STARD13: variants seen among roughly 807,000 people sequenced by gnomAD.
STARD13 encodes the protein stAR-related lipid transfer protein 13.
In STARD13, 62 loss-of-function variants were observed where a neutral mutation model predicts 106.4. That is an observed-to-expected ratio of 0.58 (90% CI 0.48 to 0.72). STARD13 has a LOEUF of 0.72. STARD13 is among the 30% of genes least tolerant of loss of function. STARD13 has a pLI of 0.00. For missense variants in STARD13, 1,387 were observed against 1,424.0 expected (o/e 0.97, Z 0.42); for synonymous variants, 565 against 553.0 (o/e 1.02, Z -0.31).
At chr13:33,157,229 T>C (rs1320229302) in intron 3 of STARD13, among the ~76,000 whole-genome samples, 1 of 152,176 alleles carries the variant, frequency 6.6e-6, no homozygotes, top group Non-Finnish European at 1.5e-5. Context: ...CTAAGGGCAA[T>C]GATACGTATA....
chr13:33,151,885 A>G (rs990149241), intron 3 of STARD13, among the ~76,000 whole-genome samples: 1 of 152,180 alleles, frequency 6.6e-6, no homozygotes, highest in Non-Finnish European at 1.5e-5. Context: ...AGACTCGGCC[A>G]TTGGTTGATG....
chr13:33,643,159 G>GCACACACACACA, the STARD13 span, among the ~76,000 whole-genome samples: 318 of 139,806 alleles, frequency 2.3e-3, 1 homozygote, highest in Middle Eastern at 7.2e-3. Context: ...CATAGAACAT[G>GCACACACACACA]CACACACACA....
At chr13:33,333,731 C>T (rs945746492) in intron 1 of STARD13, 2 of 152,170 alleles carry the variant, frequency 1.3e-5, no homozygotes, top group African/African-American at 4.8e-5. Context: ...TGCCAAGAAA[C>T]ACTTATGAAA....
At chr13:33,303,066 C>T (rs1397083454) in intron 1 of STARD13, among the ~76,000 whole-genome samples, 1 of 152,128 alleles carries the variant, frequency 6.6e-6, no homozygotes, top group African/African-American at 2.4e-5. Context: ...TCTCTTCTCA[C>T]TCCTTCAATT....
At chr13:33,667,229 A>G in the STARD13 span, among the ~76,000 whole-genome samples, 8 of 152,330 alleles carry the variant, frequency 5.3e-5, no homozygotes, top group South Asian at 2.1e-4. Context: ...GAGTTTGACT[A>G]TGGAAATGTT....
At chr13:33,187,393 G>T (rs1236127491) in intron 1 of STARD13, among the ~76,000 whole-genome samples, 1 of 152,154 alleles carries the variant, frequency 6.6e-6, no homozygotes, top group Admixed American at 6.5e-5. Context: ...ACTTTCTACT[G>T]CTTATCTGCA....
At chr13:33,151,703 T>C (rs1399238329) in intron 3 of STARD13, among the ~76,000 whole-genome samples, 2 of 152,192 alleles carry the variant, frequency 1.3e-5, no homozygotes, top group Non-Finnish European at 2.9e-5. Flanking sequence ...GAGGAGCTAC[T>C]GAAGGATTTA....
chr13:33,138,932 G>A (rs542062243), intron 4 of STARD13: 15 of 447,706 alleles, frequency 3.4e-5, no homozygotes, highest in Non-Finnish European at 6.3e-5. Context: ...TGCTTTGGAA[G>A]TGGCATTTCA....
chr13:33,399,018 A>G, the STARD13 span, among the ~76,000 whole-genome samples: 1 of 152,224 alleles, frequency 6.6e-6, no homozygotes, highest in Non-Finnish European at 1.5e-5. Context: ...TGAGTAAATA[A>G]ACAAGTTATA....
chr13:33,107,417 A>G (rs192794205), intron 12 of STARD13, among the ~76,000 whole-genome samples: 217 of 152,276 alleles, frequency 1.4e-3, no homozygotes, highest in African/African-American at 3.6e-3. Context: ...CACTGGTAAG[A>G]TTATGCACAG....
chr13:33,105,369 A>G lies in STARD13; in HGVS notation c.*224T>C. 1 of 506,110 alleles carries G rather than the reference A, an allele frequency of 2.0e-6. No individual in the cohort carries two copies. Among genetic ancestry groups the G allele is most frequent in the Non-Finnish European group, 3.5e-6 (1 of 283,130 alleles). The allele number at this position is 506,110 out of a possible 1,614,324, so 31.4% of individuals were successfully genotyped here. A position where few individuals can be genotyped will look rare whatever the true frequency, so the allele number is the denominator to read the frequency against. ...TTTAAGTAATATATATAAAGTTCTC[A>G]TTTTAAAATTATATTAGTAGGGATG... On this transcript the variant is annotated 3_prime_UTR_variant, in exon 14 of 14. Transcript: ENST00000336934.
At chr13:33,615,141 G>T in the STARD13 span, among the ~76,000 whole-genome samples, 1 of 152,324 alleles carries the variant, frequency 6.6e-6, no homozygotes, top group South Asian at 2.1e-4. Context: ...ATGAATTTAA[G>T]TGGGATGTCA....
In STARD13 at chr13:33,129,822, C is replaced by T; in HGVS notation, c.855G>A (p.Val285=). 6.2e-7 allele frequency: 1 copy of T among 1,613,294 alleles called. No homozygotes were observed. Among genetic ancestry groups the T allele is most frequent in the East Asian group, 2.2e-5 (1 of 44,884 alleles). Residue 285 remains valine, a synonymous_variant, in exon 5 of 14, where the codon GTG becomes GTA. Coordinates refer to ENST00000336934, the MANE Select transcript of STARD13 (RefSeq NM_178006.4). ...CCTGCTGCAACATGGGCCCACTGAT[C>T]ACCAGGCCACCTGTCCGCCCAGACC... ...HKGSGRTGGL[V]ISGPMLQQEP...
chr13:33,160,900 C>T (rs148995529), intron 3 of STARD13, among the ~76,000 whole-genome samples: 10 of 152,216 alleles, frequency 6.6e-5, no homozygotes, highest in East Asian at 1.9e-4. Context: ...ATAGAGCCCA[C>T]GATCCCATTC....
chr13:33,226,268 C>T (rs1888619601), intron 1 of STARD13, among the ~76,000 whole-genome samples: 1 of 152,148 alleles, frequency 6.6e-6, no homozygotes, highest in Admixed American at 6.6e-5. Flanking sequence ...TAGAGACAAA[C>T]TTTATTTGTG....
At chr13:33,178,319 A>G (rs1235487420) in intron 1 of STARD13, among the ~76,000 whole-genome samples, 2 of 152,212 alleles carry the variant, frequency 1.3e-5, no homozygotes, top group African/African-American at 4.8e-5. Context: ...ATCTTCTTTC[A>G]TCAATTCAGG....
chr13:33,268,147 A>G (rs552939198), intron 1 of STARD13, among the ~76,000 whole-genome samples: 37 of 152,350 alleles, frequency 2.4e-4, no homozygotes, highest in African/African-American at 7.0e-4. Flanking sequence ...AGGACAAAAC[A>G]TATTATCTAT....
At position 33,129,658 on chromosome 13, in the gene STARD13, C is replaced by T. The variant is rs375291281; in HGVS notation, c.1019G>A (p.Ser340Asn). The T allele has an allele frequency of 2.2e-5, 36 of 1,613,942 alleles. No homozygotes were observed. The African/African-American group carries it at 4.7e-4, about 21-fold the overall frequency. The part of the protein sequence containing the change: ...SGESSPSEHS[S>N]SGVSTPCLKE... Reference sequence around the variant, plus strand: ...CAGGCAGGGCGTGCTCACCCCGCTGCTGCTGTGCTCCGACGGGCTGCTCTC... The same window carrying T: ...CAGGCAGGGCGTGCTCACCCCGCTGTTGCTGTGCTCCGACGGGCTGCTCTC... The change falls in exon 5 of 14, where the codon AGC becomes AAC. Residue 340 changes from serine to asparagine, a missense_variant. Transcript: ENST00000336934.
At chr13:33,382,811 A>G in the STARD13 span, among the ~76,000 whole-genome samples, 1 of 152,254 alleles carries the variant, frequency 6.6e-6, no homozygotes. Flanking sequence ...ACCGATAAGC[A>G]TTATAGAAAA....
Sources: gnomAD v4.1 joint callset for allele counts (sites outside exome capture counted in the v4.1 genomes callset) on GRCh38, gnomAD v4.1.1 for gene constraint, MANE v1.5 for transcripts, NCBI Gene and HGNC (gene_info 2026-07-23, HGNC 2026-07-21) for gene names.